Variants in PDE8A observed in about 807,000 individuals in gnomAD.
PDE8A encodes the protein phosphodiesterase 8A, also known as high affinity cAMP-specific and IBMX-insensitive 3',5'-cyclic phosphodiesterase 8A.
A neutral mutation model predicts 105.0 loss-of-function variants in PDE8A; 59 were observed. The observed-to-expected ratio is 0.56, with a 90% CI of 0.46 to 0.70. The LOEUF (loss-of-function observed/expected upper bound fraction) is 0.70, where lower values mean the gene tolerates loss of function less well. Among genes scored for constraint, PDE8A ranks in the 30% least tolerant of loss-of-function variants. The pLI is 0.00. For missense variants in PDE8A, 1,014 were observed against 1,045.9 expected (o/e 0.97, Z 0.42); for synonymous variants, 355 against 371.9 (o/e 0.95, Z 0.52).
rs558983210 is a variant in PDE8A at position 85,057,852 on chromosome 15, C to T, written c.187-6518C>T. ...ATAATGTATTACACTGATCAATTTTCATATGTCAATACATCCTTGCATTTC... is the reference window on the plus strand; with the variant it reads ...ATAATGTATTACACTGATCAATTTTTATATGTCAATACATCCTTGCATTTC... On this transcript the variant is annotated intron_variant, in intron 1 of 21. Coordinates refer to ENST00000394553, the MANE Select transcript of PDE8A (RefSeq NM_002605.3). Among the ~76,000 whole-genome samples, 385 of 152,272 alleles carry T rather than the reference C, an allele frequency of 2.5e-3. 4 individuals carry two copies. Among genetic ancestry groups the T allele is most frequent in the Non-Finnish European group, 2.1e-3 (146 of 68,018 alleles).
chr15:84,997,075 GT>G (rs558272739), intron 1 of PDE8A, among the ~76,000 whole-genome samples: 238 of 152,094 alleles, frequency 1.6e-3, no homozygotes, highest in Non-Finnish European at 2.7e-3. Flanking sequence ...ACTTTATAAA[GT>G]TTTTTTAACT....
chr15:85,034,138 C>A (rs1437303505), intron 1 of PDE8A, among the ~76,000 whole-genome samples: 1 of 152,102 alleles, frequency 6.6e-6, no homozygotes, highest in East Asian at 1.9e-4. Context: ...AATTTTGACT[C>A]CTCCGTATTA....
intron 3 of PDE8A, among the ~76,000 whole-genome samples, chr15:85,069,450 C>A (rs1417811247): frequency 1.3e-5 from 2 of 152,154 alleles, no homozygotes; most frequent in Non-Finnish European, 2.9e-5. Flanking sequence ...TTCCTCTTCC[C>A]CAGAATGGAC....
chr15:85,129,593 G>A (rs1209199621), intron 20 of PDE8A, among the ~76,000 whole-genome samples: 2 of 152,036 alleles, frequency 1.3e-5, no homozygotes, highest in Admixed American at 6.5e-5. Flanking sequence ...GGTAATTTGG[G>A]TCTTGTCTTT....
chr15:85,089,447 A>T (rs2081605774), intron 7 of PDE8A, 31 bp downstream of exon 7: 2 of 1,310,840 alleles, frequency 1.5e-6, no homozygotes. Context: ...GTCTTTCTGG[A>T]TTTCTTGTTT....
Position 85,136,552 on chromosome 15 carries a change from C to T in PDE8A, c.2272C>T (p.Gln758Ter), listed in dbSNP as rs1276007757. 1 of 1,613,328 alleles carries T rather than the reference C, an allele frequency of 6.2e-7. No homozygotes were observed. The highest frequency in any genetic ancestry group is 1.3e-5 in the African/African-American group (1 of 74,888). The change falls in exon 21 of 22, where the codon CAG (glutamine) becomes TAG (stop). Residue 758 changes from glutamine to a stop codon, truncating the protein, a stop_gained. Transcript: ENST00000394553. LOFTEE classifies it high-confidence loss of function. Reference sequence around the variant, plus strand: ...TTTACAGACTGATGAAGAGAAGCAGCAGGGCTTACCTGTGGTGATGCCAGT... The same window carrying T: ...TTTACAGACTGATGAAGAGAAGCAGTAGGGCTTACCTGTGGTGATGCCAGT... ...YFSQTDEEKQ[Q>*]GLPVVMPVFD...
intron 11 of PDE8A, among the ~76,000 whole-genome samples, chr15:85,105,222 T>A (rs1395946192): frequency 6.6e-6 from 1 of 151,150 alleles, no homozygotes; most frequent in Non-Finnish European, 1.5e-5. Context: ...TTGAAAAGAG[T>A]TGGGAGATTT....
intron 2 of PDE8A, among the ~76,000 whole-genome samples, chr15:85,065,077 G>T (rs1209725800): frequency 6.6e-6 from 1 of 152,104 alleles, no homozygotes; most frequent in Admixed American, 6.6e-5. Flanking sequence ...CAAAGCAAAG[G>T]TGGCAAAATG....
At chr15:85,126,812 G>A (rs936236825) in intron 20 of PDE8A, among the ~76,000 whole-genome samples, 1 of 152,158 alleles carries the variant, frequency 6.6e-6, no homozygotes, top group Non-Finnish European at 1.5e-5. Context: ...TCATAGTCAA[G>A]CAGCTAACAG....
At chr15:85,051,572 C>T (rs993030286) in intron 1 of PDE8A, among the ~76,000 whole-genome samples, 1 of 151,976 alleles carries the variant, frequency 6.6e-6, no homozygotes, top group African/African-American at 2.4e-5. Context: ...AACCCATCAC[C>T]CAGGTATTAA....
At chr15:85,070,269 G>C (rs939226521) in intron 3 of PDE8A, among the ~76,000 whole-genome samples, 1 of 152,168 alleles carries the variant, frequency 6.6e-6, no homozygotes, top group African/African-American at 2.4e-5. Flanking sequence ...GAGATGCCTT[G>C]CTAACAGCAA....
chr15:84,983,238 C>T (rs377163031), intron 1 of PDE8A, among the ~76,000 whole-genome samples: 1 of 152,164 alleles, frequency 6.6e-6, no homozygotes, highest in Non-Finnish European at 1.5e-5. Context: ...GGAACTCATG[C>T]GTTGGTTTAT....
At chr15:85,058,381 C>G (rs566035212) in intron 1 of PDE8A, among the ~76,000 whole-genome samples, 6 of 152,330 alleles carry the variant, frequency 3.9e-5, no homozygotes, top group African/African-American at 1.2e-4. Context: ...GCTACCACAT[C>G]TGGCCCTAAC....
At chr15:85,048,384 A>G (rs1446297229) in intron 1 of PDE8A, among the ~76,000 whole-genome samples, 1 of 151,924 alleles carries the variant, frequency 6.6e-6, no homozygotes, top group Non-Finnish European at 1.5e-5. Context: ...GATCCTTCTT[A>G]GTAAATTTCA....
chr15:84,988,586 C>G (rs897044373), intron 1 of PDE8A, among the ~76,000 whole-genome samples: 1 of 152,216 alleles, frequency 6.6e-6, no homozygotes, highest in Non-Finnish European at 1.5e-5. Context: ...TTCAGGCAGC[C>G]TGCCCTACCA....
intron 1 of PDE8A, among the ~76,000 whole-genome samples, chr15:85,040,742 G>A (rs1004912431): frequency 6.6e-6 from 1 of 151,832 alleles, no homozygotes; most frequent in African/African-American, 2.4e-5. Flanking sequence ...TCTATTTTTA[G>A]TAGAGACAGG....
At chr15:85,066,603 CA>C (rs2081231029) in intron 2 of PDE8A, among the ~76,000 whole-genome samples, 1 of 66,372 alleles carries the variant, frequency 1.5e-5, no homozygotes. Flanking sequence ...CACACACACA[CA>C]CACACACACA....
At chr15:85,014,107 C>T (rs1172065797) in intron 1 of PDE8A, among the ~76,000 whole-genome samples, 1 of 151,986 alleles carries the variant, frequency 6.6e-6, no homozygotes, top group Non-Finnish European at 1.5e-5. Context: ...TGATGATAAT[C>T]ACATCTTTCT....
chr15:85,126,486 CT>C, intron 20 of PDE8A, 112 bp downstream of exon 20: 1 of 800,460 alleles, frequency 1.2e-6, no homozygotes. Context: ...AAATTCTGTC[CT>C]TGTTTTGCAA....
Sources: allele counts gnomAD v4.1 joint callset (sites outside exome capture counted in the v4.1 genomes callset), GRCh38; gene constraint gnomAD v4.1.1; transcripts MANE v1.5; gene names NCBI Gene and HGNC (gene_info 2026-07-23, HGNC 2026-07-21).